Variants in KLRD1 observed in about 807,000 individuals in gnomAD.
KLRD1 encodes killer cell lectin like receptor D1, also known as natural killer cells antigen CD94.
A neutral mutation model predicts 22.6 loss-of-function variants in KLRD1; 21 were observed. The observed-to-expected ratio is 0.93, with a 90% confidence interval of 0.66 to 1.34. The LOEUF (loss-of-function observed/expected upper bound fraction) is 1.34. Ranked by LOEUF, KLRD1 falls within the 40% of genes most tolerant of loss-of-function variation. The pLI, the probability that KLRD1 is intolerant of heterozygous loss-of-function variation, is 0.00. For missense variants in KLRD1, 183 were observed against 208.6 expected (o/e 0.88, Z 0.76); for synonymous variants, 59 against 71.1 (o/e 0.83, Z 0.85).
In KLRD1 at chr12:10,311,537, G is replaced by C. The variant is rs759167590; in HGVS notation, c.237G>C (p.Gln79His). Residue 79 changes from glutamine (Q) to histidine (H), a missense_variant, in exon 4 of 6, where the codon CAG (glutamine) becomes CAC (histidine). By Grantham distance (24) the Gln-to-His change is conservative. Coordinates refer to ENST00000336164, the MANE Select transcript of KLRD1 (RefSeq NM_002262.5). ...RCNCYFISSE[Q>H]KTWNESRHLC... ...ACTGTTACTTCATTTCCAGTGAACA[G>C]AAAACTTGGAACGAAAGTCGGCATC... The C allele has an allele frequency of 1.9e-6, 3 of 1,614,124 alleles. No homozygotes were observed. Among genetic ancestry groups the C allele is most frequent in the Non-Finnish European group, 2.5e-6 (3 of 1,179,964 alleles).
intron 1 of KLRD1, among the ~76,000 whole-genome samples, chr12:10,285,262 G>A (rs747279219): frequency 1.3e-5 from 2 of 152,116 alleles, no homozygotes; most frequent in Non-Finnish European, 2.9e-5. Flanking sequence ...TGCTAAAATT[G>A]AAATTTAAGT....
intron 1 of KLRD1, among the ~76,000 whole-genome samples, chr12:10,262,678 C>T (rs1949464600): frequency 6.6e-6 from 1 of 151,964 alleles, no homozygotes; most frequent in Non-Finnish European, 1.5e-5. Context: ...TTGCCTTATT[C>T]AGGATCTCTT....
intron 1 of KLRD1, among the ~76,000 whole-genome samples, chr12:10,283,345 G>A (rs1286200601): frequency 6.6e-6 from 1 of 152,176 alleles, no homozygotes; most frequent in Non-Finnish European, 1.5e-5. Context: ...ATTCATAGAA[G>A]CAAGGAGCAG....
upstream of KLRD1, among the ~76,000 whole-genome samples, chr12:10,305,859 A>G (rs1323434375): frequency 2.0e-5 from 3 of 152,186 alleles, no homozygotes; most frequent in Non-Finnish European, 1.5e-5. Context: ...GTCTACGTAC[A>G]AAAATAAATA....
chr12:10,254,813 A>AGAATATTTATAT (rs1555101288), intron 1 of KLRD1, among the ~76,000 whole-genome samples: 11 of 150,898 alleles, frequency 7.3e-5, no homozygotes, highest in East Asian at 2.0e-4. Context: ...GAATCACTTG[A>AGAATATTTATAT]ACCCAGGAGG....
chr12:10,318,927 A>G lies in KLRD1; in HGVS notation c.*4134A>G, dbSNP rs937044863. 6 of 152,046 alleles carry G rather than the reference A, an allele frequency of 3.9e-5. No individual in the cohort carries two copies. Among genetic ancestry groups the G allele is most frequent in the African/African-American group, 1.4e-4 (6 of 41,402 alleles). The allele number at this position is 152,046 out of a possible 1,614,324, so 9.4% of individuals were successfully genotyped here. A position where few individuals can be genotyped will look rare whatever the true frequency, so the allele number is the denominator to read the frequency against. On this transcript the variant is annotated 3_prime_UTR_variant, in exon 6 of 6. Coordinates refer to ENST00000336164, the MANE Select transcript of KLRD1 (RefSeq NM_002262.5). ...TCATTTCAGTTATCTACACCTGGAA[A>G]TGTTAGTTCTATAATTTTGGACTTT...
At chr12:10,245,642 T>G (rs1032678586) in intron 1 of KLRD1, among the ~76,000 whole-genome samples, 2 of 152,184 alleles carry the variant, frequency 1.3e-5, no homozygotes, top group African/African-American at 4.8e-5. Context: ...TGTCTTTCTG[T>G]GTACTGTCTA....
intron 1 of KLRD1, among the ~76,000 whole-genome samples, chr12:10,281,543 C>T (rs1949643019): frequency 6.6e-6 from 1 of 152,088 alleles, no homozygotes; most frequent in African/African-American, 2.4e-5. Flanking sequence ...TTGCCCATGT[C>T]AGGAGTTGTA....
At chr12:10,312,973 C>T (rs886896927) in intron 4 of KLRD1, among the ~76,000 whole-genome samples, 6 of 151,192 alleles carry the variant, frequency 4.0e-5, no homozygotes, top group Admixed American at 3.3e-4. Flanking sequence ...GGCGACAGAG[C>T]AAGACTCCCT....
At chr12:10,262,876 T>A (rs1482301662) in intron 1 of KLRD1, among the ~76,000 whole-genome samples, 1 of 152,120 alleles carries the variant, frequency 6.6e-6, no homozygotes, top group Non-Finnish European at 1.5e-5. Context: ...TATGAACTTT[T>A]ACTTATGAAA....
At chr12:10,253,238 C>G (rs534633482) in intron 1 of KLRD1, among the ~76,000 whole-genome samples, 101 of 151,974 alleles carry the variant, frequency 6.6e-4, no homozygotes, top group Non-Finnish European at 1.1e-3. Flanking sequence ...TACTTTTTGC[C>G]CCCTCCTATG....
At position 10,311,551 on chromosome 12, in the gene KLRD1, A is replaced by G. The variant is rs757211759; in HGVS notation, c.251A>G (p.Glu84Gly). Residue 84 changes from glutamate (E) to glycine (G), a missense_variant, in exon 4 of 6, where the codon GAA (glutamate) becomes GGA (glycine). Glu to Gly is a moderately conservative substitution (Grantham distance 98, BLOSUM62 -2). Coordinates refer to ENST00000336164, the MANE Select transcript of KLRD1 (RefSeq NM_002262.5). ...TCCAGTGAACAGAAAACTTGGAACG[A>G]AAGTCGGCATCTCTGTGCTTCTCAG... The part of the protein sequence containing the change: ...FISSEQKTWN[E>G]SRHLCASQKS... The G allele has an allele frequency of 9.9e-6, 16 of 1,614,158 alleles. No individual in the cohort carries two copies. Among genetic ancestry groups the G allele is most frequent in the East Asian group, 8.9e-5 (4 of 44,876 alleles).
At chr12:10,276,472 A>G (rs916691664) in intron 1 of KLRD1, among the ~76,000 whole-genome samples, 3 of 152,152 alleles carry the variant, frequency 2.0e-5, no homozygotes, top group African/African-American at 7.2e-5. Flanking sequence ...AAGGGCAGTG[A>G]TCAAAATTTG....
Position 10,316,378 on chromosome 12 carries a change from A to T in KLRD1, c.*1585A>T, listed in dbSNP as rs538341929. ...TGTTACAACTGCTACTTCATAGTTT[A>T]TGCCACTTATTTTATTTTTTACTTT... is the stretch of plus-strand genomic sequence containing the variant. On this transcript the variant is annotated 3_prime_UTR_variant, in exon 6 of 6. Transcript: ENST00000336164. 14 of 152,166 alleles carry T rather than the reference A, an allele frequency of 9.2e-5. No homozygotes were observed. Among genetic ancestry groups the T allele is most frequent in the African/African-American group, 3.4e-4 (14 of 41,474 alleles). The allele number at this position is 152,166 out of a possible 1,614,324, so 9.4% of individuals were successfully genotyped here. A position where few individuals can be genotyped will look rare whatever the true frequency, so the allele number is the denominator to read the frequency against.
intron 1 of KLRD1, among the ~76,000 whole-genome samples, chr12:10,269,056 TG>T (rs752867034): frequency 1.3e-5 from 2 of 152,306 alleles, no homozygotes; most frequent in South Asian, 4.1e-4. Context: ...TGATTTTAGG[TG>T]GGGTGGAGTG....
At chr12:10,293,614 T>C (rs1949796649) in intron 1 of KLRD1, among the ~76,000 whole-genome samples, 1 of 152,100 alleles carries the variant, frequency 6.6e-6, no homozygotes, top group Non-Finnish European at 1.5e-5. Flanking sequence ...ATAAAAGATA[T>C]TGCAATAATA....
upstream of KLRD1, among the ~76,000 whole-genome samples, chr12:10,303,603 C>G (rs1205024660): frequency 1.3e-5 from 2 of 152,146 alleles, no homozygotes; most frequent in African/African-American, 2.4e-5. Context: ...ATGACCTACT[C>G]TTGTGTCTGC....
In KLRD1 at chr12:10,315,209, T is replaced by C. The variant is rs557390683; in HGVS notation, c.*416T>C. ...GCATAGTGGCAAGATCATAGCTCAT[T>C]GCAAGCTCAAGTGATCCTCCTGACT... On this transcript the variant is annotated 3_prime_UTR_variant, in exon 6 of 6. Coordinates refer to ENST00000336164, the MANE Select transcript of KLRD1 (RefSeq NM_002262.5). 9.9e-6 allele frequency: 4 copies of C among 403,910 alleles called. No homozygotes were observed. The highest frequency in any genetic ancestry group is 8.6e-5 in the African/African-American group (4 of 46,690). 25.0% of individuals were successfully genotyped at this position (403,910 alleles called of 1,614,324 possible).
chr12:10,310,073 T>C (rs1950023835), intron 3 of KLRD1, among the ~76,000 whole-genome samples: 1 of 152,212 alleles, frequency 6.6e-6, no homozygotes, highest in Non-Finnish European at 1.5e-5. Flanking sequence ...ACTGCACAGA[T>C]TTCTAAACCT....
Sources: gnomAD v4.1 joint callset for allele counts (sites outside exome capture counted in the v4.1 genomes callset) on GRCh38, gnomAD v4.1.1 for gene constraint, MANE v1.5 for transcripts, NCBI Gene and HGNC (gene_info 2026-07-23, HGNC 2026-07-21) for gene names.